The following SUN3 variants were observed in gnomAD, a reference collection of about 807,000 sequenced individuals.
SUN3 encodes Sad1 and UNC84 domain containing 3.
In SUN3, 36 loss-of-function variants were observed where a neutral mutation model predicts 48.2. The ratio of observed to expected loss-of-function variants is 0.75; its 90% CI spans 0.57 to 0.99. SUN3 has a LOEUF of 0.99. Among genes scored for constraint, SUN3 ranks in the 50% least tolerant of loss-of-function variants. The pLI is 0.00. For missense variants in SUN3, 419 were observed against 433.1 expected, an observed-to-expected ratio of 0.97 and a Z score of 0.29; for synonymous variants, 148 against 147.9, an observed-to-expected ratio of 1.00 and a Z score of 0.00.
chr7:48,012,673 T>C (rs1034344104), intron 3 of SUN3, among the ~76,000 whole-genome samples: 1 of 152,228 alleles, frequency 6.6e-6, no homozygotes, highest in Admixed American at 6.5e-5. Flanking sequence ...AATTAAATAT[T>C]GGAGTAAGTA....
chr7:47,991,208 G>A lies in SUN3; in HGVS notation c.862-2328C>T, dbSNP rs568979185. Reference sequence around the variant, plus strand: ...CTGGGATCACAGGAGCAGATACTGCGCCCAGTCCTTTTATCACCTTGTTTT... The same window carrying A: ...CTGGGATCACAGGAGCAGATACTGCACCCAGTCCTTTTATCACCTTGTTTT... On this transcript the variant is annotated intron_variant, in intron 8 of 9. Transcript: ENST00000297325. Among the ~76,000 whole-genome samples, 7 of 152,142 alleles carry A rather than the reference G, an allele frequency of 4.6e-5. No individual in the cohort carries two copies. The South Asian group carries it at 1.2e-3, about 27-fold the overall frequency.
In SUN3 at chr7:47,992,872, C is replaced by A. The variant is rs113871823; in HGVS notation, c.861+1443G>T. The stretch of plus-strand genomic sequence containing the variant: ...ACTAAGCAAATTAAAGAAAAATAGG[C>A]TGGGCACCAGTGGCTCACGTCTGTA... On this transcript the variant is annotated intron_variant, in intron 8 of 9. Transcript: ENST00000297325. 3.0e-3 allele frequency among the ~76,000 whole-genome samples: 464 copies of A among 152,140 alleles called. 6 individuals are homozygous for A. Among genetic ancestry groups the A allele is most frequent in the African/African-American group, 0.01 (425 of 41,494 alleles).
At chr7:48,027,822 A>C (rs1192342162) in intron 1 of SUN3, among the ~76,000 whole-genome samples, 2 of 152,148 alleles carry the variant, frequency 1.3e-5, no homozygotes, top group Admixed American at 6.5e-5. Context: ...TCTTCCTTTT[A>C]ACTATTATTG....
At chr7:48,010,100 C>T (rs1208573033) in intron 3 of SUN3, among the ~76,000 whole-genome samples, 2 of 151,922 alleles carry the variant, frequency 1.3e-5, no homozygotes, top group Admixed American at 6.5e-5. Flanking sequence ...CACACACACA[C>T]AAACACACAC....
At chr7:48,008,422 A>G (rs1455614313) in intron 4 of SUN3, among the ~76,000 whole-genome samples, 4 of 152,222 alleles carry the variant, frequency 2.6e-5, no homozygotes, top group Admixed American at 6.5e-5. Flanking sequence ...ATCATTAAAA[A>G]CTATTTTAAA....
intron 6 of SUN3, among the ~76,000 whole-genome samples, chr7:48,000,651 T>G (rs1789336369): frequency 6.6e-6 from 1 of 152,254 alleles, no homozygotes; most frequent in Admixed American, 6.5e-5. Context: ...CATTGCTAGA[T>G]CCTTTCCTTC....
chr7:48,010,019 C>T (rs1789640033), intron 3 of SUN3, among the ~76,000 whole-genome samples: 1 of 152,096 alleles, frequency 6.6e-6, no homozygotes, highest in Non-Finnish European at 1.5e-5. Flanking sequence ...TTCAAATGCC[C>T]TACAAGTCAT....
intron 8 of SUN3, among the ~76,000 whole-genome samples, chr7:47,992,071 T>G (rs1789080386): frequency 1.3e-5 from 2 of 148,150 alleles, no homozygotes; most frequent in South Asian, 4.3e-4. Flanking sequence ...ACTGCAGGAG[T>G]CCTCTCAGGG....
At chr7:48,012,839 C>T (rs377688265) in intron 3 of SUN3, among the ~76,000 whole-genome samples, 3 of 152,166 alleles carry the variant, frequency 2.0e-5, no homozygotes, top group Non-Finnish European at 4.4e-5. Flanking sequence ...GTACCACCCA[C>T]GTGAATAGGA....
chr7:47,992,322 GC>G (rs1419459765), intron 8 of SUN3, among the ~76,000 whole-genome samples: 1 of 152,184 alleles, frequency 6.6e-6, no homozygotes, highest in East Asian at 1.9e-4. Context: ...CCGGAAGCGA[GC>G]AGAAGAAAAT....
At chr7:48,035,474 C>T in the SUN3 span, 7 of 695,608 alleles carry the variant, frequency 1.0e-5, no homozygotes, top group Admixed American at 1.4e-4. This position sits in a 1 kb window ranked among gnomAD's most constrained non-coding sequence, Gnocchi z 4.0. Context: ...CAGCCGCGCC[C>T]GCCGGTTGGC....
At chr7:47,998,342 A>G (rs1388310220) in intron 6 of SUN3, among the ~76,000 whole-genome samples, 2 of 152,188 alleles carry the variant, frequency 1.3e-5, no homozygotes, top group Non-Finnish European at 2.9e-5. Context: ...TTTTTCATAT[A>G]CTTTTTTGAC....
intron 3 of SUN3, among the ~76,000 whole-genome samples, chr7:48,010,921 C>A (rs190802054): frequency 6.6e-6 from 1 of 152,288 alleles, no homozygotes; most frequent in Non-Finnish European, 1.5e-5. Context: ...CCTTTTCTAA[C>A]TTCTGGTGGC....
chr7:47,987,274 G>C lies in SUN3; in HGVS notation c.*56C>G. On this transcript the variant is annotated 3_prime_UTR_variant, in exon 10 of 10. Transcript: ENST00000297325. ...CCTATGGGTGCGGTATCATCTAAGA[G>C]AATAAGCATTCTTGAATATTCTGGA... 1 of 1,573,698 alleles carries C rather than the reference G, an allele frequency of 6.4e-7. No individual in the cohort carries two copies. The highest frequency in any genetic ancestry group is 8.6e-7 in the Non-Finnish European group (1 of 1,160,362).
At chr7:47,991,849 T>C (rs1325249323) in intron 8 of SUN3, among the ~76,000 whole-genome samples, 1 of 151,934 alleles carries the variant, frequency 6.6e-6, no homozygotes, top group African/African-American at 2.4e-5. Flanking sequence ...TAGCTAACAG[T>C]CATTTCAAAA....
intron 3 of SUN3, among the ~76,000 whole-genome samples, chr7:48,009,488 C>T (rs776442451): frequency 9.9e-5 from 15 of 152,166 alleles, no homozygotes; most frequent in East Asian, 1.9e-4. Flanking sequence ...CACATGGCGA[C>T]GTTAGAGGAC....
rs186381617 is a variant in SUN3 at position 48,010,131 on chromosome 7, T to A, written c.289-1056A>T. ...CACACACTCCACATACACATGCTTA[T>A]ACACACGTATGCACATGCTCATAGG... On this transcript the variant is annotated intron_variant, in intron 3 of 9. Transcript: ENST00000297325. 1.9e-3 allele frequency among the ~76,000 whole-genome samples: 282 copies of A among 152,244 alleles called. 2 individuals carry two copies. Among genetic ancestry groups the A allele is most frequent in the South Asian group, 0.018 (89 of 4,826 alleles).
intron 6 of SUN3, among the ~76,000 whole-genome samples, chr7:48,005,186 C>A (rs11766144): frequency 0.45 from 68,294 of 151,390 alleles, 15,829 homozygotes; most frequent in African/African-American, 0.57. Context: ...AAACAAACAA[C>A]CAAAAAATCC....
At chr7:48,024,800 A>G (rs1790091467) in intron 2 of SUN3, among the ~76,000 whole-genome samples, 1 of 152,144 alleles carries the variant, frequency 6.6e-6, no homozygotes, top group Non-Finnish European at 1.5e-5. Context: ...ATTAGCTCCC[A>G]CAGGAACTAA....
Sources: allele counts gnomAD v4.1 joint callset (sites outside exome capture counted in the v4.1 genomes callset), GRCh38; gene constraint gnomAD v4.1.1; non-coding constraint Gnocchi (gnomAD v3.1); transcripts MANE v1.5; gene names NCBI Gene and HGNC (gene_info 2026-07-23, HGNC 2026-07-21).